Variants in GALNT13 observed in about 807,000 individuals in gnomAD.
GALNT13 encodes the protein polypeptide N-acetylgalactosaminyltransferase 13, also known as UDP-GalNAc:polypeptide N-acetylgalactosaminyltransferase 13.
GALNT13 carries 28 observed loss-of-function variants against 64.2 expected under a neutral mutation model. The observed-to-expected ratio is 0.44, with a 90% confidence interval of 0.32 to 0.60. The LOEUF (loss-of-function observed/expected upper bound fraction) is 0.60, where lower values mean the gene tolerates loss of function less well. GALNT13 is among the 20% of genes least tolerant of loss of function. The pLI is 0.05. For synonymous variants in GALNT13, 214 were observed against 224.6 expected (o/e 0.95, Z 0.42); for missense variants, 577 against 669.8 (o/e 0.86, Z 1.53).
intron 4 of GALNT13, among the ~76,000 whole-genome samples, chr2:154,188,308 A>C (rs2105748166): frequency 6.6e-6 from 1 of 152,190 alleles, no homozygotes; most frequent in African/African-American, 2.4e-5. Flanking sequence ...ACAGTCCCCA[A>C]ATAAAGAGGG....
At chr2:153,823,785 A>C in the GALNT13 span, among the ~76,000 whole-genome samples, 1 of 152,170 alleles carries the variant, frequency 6.6e-6, no homozygotes, top group Non-Finnish European at 1.5e-5. Context: ...AATTAAACTA[A>C]AGAGCTTCTG....
At chr2:153,251,740 G>A in the GALNT13 span, among the ~76,000 whole-genome samples, 31 of 151,272 alleles carry the variant, frequency 2.0e-4, no homozygotes, top group Admixed American at 1.8e-3. Context: ...TTGTTCTTGC[G>A]ATAGTTTACT....
intron 9 of GALNT13, among the ~76,000 whole-genome samples, chr2:154,379,049 G>A (rs1018473941): frequency 2.0e-5 from 3 of 151,920 alleles, no homozygotes; most frequent in Non-Finnish European, 4.4e-5. Flanking sequence ...AATTTCAGAG[G>A]ACATAGAATA....
intron 3 of GALNT13, among the ~76,000 whole-genome samples, chr2:154,001,506 A>G (rs1472357934): frequency 6.6e-6 from 1 of 151,980 alleles, no homozygotes; most frequent in African/African-American, 2.4e-5. Flanking sequence ...TTTTAAGCTG[A>G]TACCATCTTA....
At chr2:153,949,980 A>G (rs1208223770) in intron 3 of GALNT13, among the ~76,000 whole-genome samples, 1 of 152,104 alleles carries the variant, frequency 6.6e-6, no homozygotes, top group African/African-American at 2.4e-5. Context: ...AATGTCAAAA[A>G]CAAAATTTAA....
the GALNT13 span, among the ~76,000 whole-genome samples, chr2:153,143,612 G>A: frequency 6.6e-6 from 1 of 152,028 alleles, no homozygotes; most frequent in Non-Finnish European, 1.5e-5. Context: ...AAAGCAAGTA[G>A]CAAAGTCTGC....
chr2:153,413,695 G>C, the GALNT13 span, among the ~76,000 whole-genome samples: 3 of 152,064 alleles, frequency 2.0e-5, no homozygotes, highest in Non-Finnish European at 4.4e-5. Flanking sequence ...TGAAAAATTG[G>C]GTAAGCAAGA....
the GALNT13 span, among the ~76,000 whole-genome samples, chr2:153,856,791 G>A: frequency 6.6e-6 from 1 of 152,088 alleles, no homozygotes; most frequent in African/African-American, 2.4e-5. Context: ...ATGAGTACAT[G>A]TGTTAAACTA....
chr2:154,010,758 T>C (rs1696578479), intron 3 of GALNT13, among the ~76,000 whole-genome samples: 1 of 152,148 alleles, frequency 6.6e-6, no homozygotes, highest in Non-Finnish European at 1.5e-5. Flanking sequence ...ACTCATTTAT[T>C]TTTGATATTT....
chr2:154,423,942 A>T (rs697645), intron 11 of GALNT13, among the ~76,000 whole-genome samples: 151,083 of 152,298 alleles, frequency 0.99, 74,950 homozygotes, highest in Middle Eastern at 1. Flanking sequence ...TGTACCTTTG[A>T]GGTCTTCCAC....
At chr2:153,345,201 T>C in the GALNT13 span, among the ~76,000 whole-genome samples, 2 of 152,184 alleles carry the variant, frequency 1.3e-5, no homozygotes, top group African/African-American at 4.8e-5. Flanking sequence ...CATGTATAAA[T>C]TGAGATTATG....
chr2:153,138,265 T>C, the GALNT13 span, among the ~76,000 whole-genome samples: 3 of 152,188 alleles, frequency 2.0e-5, no homozygotes, highest in East Asian at 5.8e-4. Flanking sequence ...TATTCTAATC[T>C]GTAGTATCTG....
At chr2:153,645,090 T>G in the GALNT13 span, among the ~76,000 whole-genome samples, 1 of 152,110 alleles carries the variant, frequency 6.6e-6, no homozygotes, top group South Asian at 2.1e-4. Flanking sequence ...TTTTCCCTAA[T>G]TAAAAACATT....
chr2:153,743,332 G>A, the GALNT13 span, among the ~76,000 whole-genome samples: 3 of 152,078 alleles, frequency 2.0e-5, no homozygotes, highest in South Asian at 4.1e-4. Context: ...TAACTTGGTT[G>A]TTGTGAATAG....
the GALNT13 span, among the ~76,000 whole-genome samples, chr2:153,865,082 G>C: frequency 2.8e-5 from 4 of 145,248 alleles, no homozygotes; most frequent in Non-Finnish European, 6.0e-5. Flanking sequence ...TTTAATAAAT[G>C]GTGCTGGGAA....
the GALNT13 span, among the ~76,000 whole-genome samples, chr2:153,605,883 A>T: frequency 6.6e-6 from 1 of 152,128 alleles, no homozygotes; most frequent in Non-Finnish European, 1.5e-5. Flanking sequence ...ATTTGCTTTC[A>T]TACTGAGATT....
At chr2:153,089,848 T>G in the GALNT13 span, among the ~76,000 whole-genome samples, 1 of 152,060 alleles carries the variant, frequency 6.6e-6, no homozygotes, top group Non-Finnish European at 1.5e-5. Context: ...CCATATTGCT[T>G]TTTGAATTTT....
At chr2:153,337,355 T>A in the GALNT13 span, among the ~76,000 whole-genome samples, 1 of 152,328 alleles carries the variant, frequency 6.6e-6, no homozygotes, top group East Asian at 1.9e-4. Context: ...TAAAATTGCT[T>A]TGGGAAAAGT....
At chr2:153,319,520 C>T in the GALNT13 span, among the ~76,000 whole-genome samples, 22 of 152,252 alleles carry the variant, frequency 1.4e-4, no homozygotes, top group Admixed American at 4.6e-4. Context: ...CTCAAGGAAT[C>T]CTCCTGCCTT....
Sources: allele counts gnomAD v4.1 joint callset (sites outside exome capture counted in the v4.1 genomes callset), GRCh38; gene constraint gnomAD v4.1.1; transcripts MANE v1.5; gene names NCBI Gene and HGNC (gene_info 2026-07-23, HGNC 2026-07-21).